UNC5B: variants seen among roughly 807,000 people sequenced by gnomAD.
UNC5B encodes unc-5 netrin receptor B, also known as netrin receptor UNC5B.
In UNC5B, 56 loss-of-function variants were observed where a neutral mutation model predicts 103.7. The ratio of observed to expected loss-of-function variants is 0.54; its 90% CI spans 0.44 to 0.67. UNC5B has a LOEUF of 0.67. Ranked by LOEUF, UNC5B falls within the 30% of genes least tolerant of loss-of-function variation. UNC5B has a pLI of 0.00. For missense variants in UNC5B, 1,194 were observed against 1,284.5 expected (o/e 0.93, Z 1.08); for synonymous variants, 577 against 542.0 (o/e 1.06, Z -0.90).
chr10:71,247,588 C>T (rs1415194996), intron 1 of UNC5B, among the ~76,000 whole-genome samples: 1 of 152,212 alleles, frequency 6.6e-6, no homozygotes, highest in Non-Finnish European at 1.5e-5. Flanking sequence ...TTTAACCTGG[C>T]ACCCTGGCCC....
At chr10:71,265,454 C>A (rs1025386793) in intron 1 of UNC5B, among the ~76,000 whole-genome samples, 3 of 152,196 alleles carry the variant, frequency 2.0e-5, no homozygotes, top group African/African-American at 7.2e-5. Flanking sequence ...CTTCCCTGAG[C>A]TTATGATGCC....
At chr10:71,218,315 A>G (rs1206392266) in intron 1 of UNC5B, 1 of 152,318 alleles carries the variant, frequency 6.6e-6, no homozygotes, top group African/African-American at 2.4e-5. Context: ...ACATGGGCAC[A>G]CTTGTGGTGT....
intron 1 of UNC5B, among the ~76,000 whole-genome samples, chr10:71,257,923 G>A (rs1478488042): frequency 6.6e-6 from 1 of 152,248 alleles, no homozygotes; most frequent in Non-Finnish European, 1.5e-5. Context: ...TGATATATGT[G>A]AGCTCCTGGA....
chr10:71,295,674 TA>T (rs1845388612), intron 13 of UNC5B, 136 bp from the exon 14 acceptor site: 2 of 985,136 alleles, frequency 2.0e-6, no homozygotes, highest in Admixed American at 2.3e-5. Flanking sequence ...TCTCACACCA[TA>T]AGCCCTCTGT....
At chr10:71,232,456 A>C (rs1255608668) in intron 1 of UNC5B, among the ~76,000 whole-genome samples, 1 of 152,226 alleles carries the variant, frequency 6.6e-6, no homozygotes, top group Non-Finnish European at 1.5e-5. Context: ...CTGGTGGCCC[A>C]GCCCCGGCCC....
rs199812590 is a variant in UNC5B at position 71,286,787 on chromosome 10, G to T, written c.651G>T (p.Leu217=). 12 of 1,614,200 alleles carry T rather than the reference G, an allele frequency of 7.4e-6. No individual in the cohort carries two copies. In the African/African-American group the frequency reaches 1.2e-4, roughly 16 times the overall value. The change falls in exon 5 of 17, where the codon CTG becomes CTT. Residue 217 remains leucine, a synonymous_variant. Transcript: ENST00000335350. ...ACCTCATCATCCGCCAGGCCCGCCTGTCGGACACTGCCAACTATACCTGCG... is the reference window on the plus strand; with the variant it reads ...ACCTCATCATCCGCCAGGCCCGCCTTTCGGACACTGCCAACTATACCTGCG... ...DHNLIIRQAR[L]SDTANYTCVA... is the part of the protein sequence containing the mutation.
intron 1 of UNC5B, among the ~76,000 whole-genome samples, chr10:71,270,687 C>T (rs530939871): frequency 6.6e-6 from 1 of 152,226 alleles, no homozygotes; most frequent in South Asian, 2.1e-4. Context: ...CACCAGGTCC[C>T]TCCAGCAGCA....
At chr10:71,257,456 A>T (rs895608762) in intron 1 of UNC5B, among the ~76,000 whole-genome samples, 3 of 152,216 alleles carry the variant, frequency 2.0e-5, no homozygotes, top group African/African-American at 7.2e-5. Flanking sequence ...CAGGCGAGTC[A>T]CATAGGTTGC....
Position 71,213,410 on chromosome 10 carries a change from G to GA in UNC5B, c.79+351dup, listed in dbSNP as rs1329325016. Among the ~76,000 whole-genome samples the GA allele has an allele frequency of 9.2e-5, 14 of 152,258 alleles. 2 individuals carry two copies. Among genetic ancestry groups the GA allele is most frequent in the African/African-American group, 3.4e-4 (14 of 41,558 alleles). Reference sequence around the variant, plus strand: ...TCTCCGCGCGCCTGGCATCCGCCCCGAAAAAGAACATTGGCTACATAAGCA... The same window carrying GA: ...TCTCCGCGCGCCTGGCATCCGCCCCGAAAAAAGAACATTGGCTACATAAGCA... On this transcript the variant is annotated intron_variant, in intron 1 of 16. Coordinates refer to ENST00000335350, the MANE Select transcript of UNC5B (RefSeq NM_170744.5). The surrounding 1 kb of genome is among the most constrained non-coding windows in gnomAD (Gnocchi z 4.1).
intron 1 of UNC5B, among the ~76,000 whole-genome samples, chr10:71,240,878 G>A (rs964254972): frequency 2.6e-5 from 4 of 152,250 alleles, no homozygotes; most frequent in Non-Finnish European, 5.9e-5. Flanking sequence ...CAAGGGCCAA[G>A]AAGAAGACTT....
At chr10:71,239,488 C>T (rs151174740) in intron 1 of UNC5B, among the ~76,000 whole-genome samples, 1 of 152,250 alleles carries the variant, frequency 6.6e-6, no homozygotes, top group Non-Finnish European at 1.5e-5. Context: ...ACTGGCTGAT[C>T]ACTTAACCTC....
intron 10 of UNC5B, among the ~76,000 whole-genome samples, chr10:71,292,179 A>G (rs920814827): frequency 1.3e-5 from 2 of 152,152 alleles, no homozygotes; most frequent in African/African-American, 2.4e-5. Flanking sequence ...AAAGCCAGCA[A>G]TTAACAGCTT....
chr10:71,282,576 G>A (rs1431337818), intron 2 of UNC5B, among the ~76,000 whole-genome samples: 2 of 152,192 alleles, frequency 1.3e-5, no homozygotes, highest in Admixed American at 1.3e-4. Context: ...GCAAGGGGCA[G>A]GGGCTGTGCT....
In UNC5B at chr10:71,280,021, C is replaced by T; in HGVS notation, c.280C>T (p.Gln94Ter). 4 of 1,614,012 alleles carry T rather than the reference C, an allele frequency of 2.5e-6. No individual in the cohort carries two copies. Among genetic ancestry groups the T allele is most frequent in the Non-Finnish European group, 3.4e-6 (4 of 1,180,028 alleles). ...EWVSQNDHVT[Q>*]EGLDEATGLR... is the part of the protein sequence containing the mutation. ...GGTCAGCCAGAACGACCACGTCACACAGGAAGGCCTGGATGAGGCCACCGG... is the reference window on the plus strand; with the variant it reads ...GGTCAGCCAGAACGACCACGTCACATAGGAAGGCCTGGATGAGGCCACCGG... Residue 94 changes from glutamine (Q) to a stop codon, truncating the protein, a stop_gained, in exon 2 of 17, where the codon CAG becomes TAG. Coordinates refer to ENST00000335350, the MANE Select transcript of UNC5B (RefSeq NM_170744.5). LOFTEE classifies it high-confidence loss of function.
chr10:71,291,120 G>A lies in UNC5B; in HGVS notation c.1294+11G>A, dbSNP rs79688116. ...AGACGGCAAGGCCCAGTAAGAACCCGAGGATGTCTGGGGTGGTTGGCAGAG... is the reference window on the plus strand; with the variant it reads ...AGACGGCAAGGCCCAGTAAGAACCCAAGGATGTCTGGGGTGGTTGGCAGAG... On this transcript the variant is annotated intron_variant, in intron 9 of 16. Coordinates refer to ENST00000335350, the MANE Select transcript of UNC5B (RefSeq NM_170744.5). 9.7e-3 allele frequency: 15,664 copies of A among 1,608,718 alleles called. 97 individuals carry two copies. Among genetic ancestry groups the A allele is most frequent in the African/African-American group, 0.021 (1,551 of 74,970 alleles).
intron 1 of UNC5B, among the ~76,000 whole-genome samples, chr10:71,277,280 G>A (rs1352247936): frequency 1.3e-5 from 2 of 152,246 alleles, no homozygotes; most frequent in African/African-American, 4.8e-5. Context: ...CTTCTCCTGT[G>A]GCCATGACCT....
rs1845104957 is a variant in UNC5B, at chr10:71,286,942, C to T, written c.733+73C>T. 3.8e-6 allele frequency: 6 copies of T among 1,559,710 alleles called. No individual in the cohort carries two copies. The South Asian group carries it at 4.8e-5, about 12-fold the overall frequency. On this transcript the variant is annotated intron_variant, in intron 5 of 16. Coordinates refer to ENST00000335350, the MANE Select transcript of UNC5B (RefSeq NM_170744.5). Reference sequence around the variant, plus strand: ...GGAGAGAGCCTGGGGGTAGGGGGGACCCCTGGATTGGTAGGGAGGATGCAG... The same window carrying T: ...GGAGAGAGCCTGGGGGTAGGGGGGATCCCTGGATTGGTAGGGAGGATGCAG...
chr10:71,291,381 G>A, intron 9 of UNC5B, 51 bp from the exon 10 acceptor site: 1 of 1,537,376 alleles, frequency 6.5e-7, no homozygotes, highest in Non-Finnish European at 8.8e-7. Flanking sequence ...TGGGAGCTGG[G>A]CCAGTGAGCT....
Position 71,293,410 on chromosome 10 carries a change from T to A in UNC5B, c.1778T>A (p.Leu593His), listed in dbSNP as rs758249536. The change falls in exon 12 of 17, where the codon CTT becomes CAT. Residue 593 changes from leucine to histidine, a missense_variant. By Grantham distance (99) the Leu-to-His change is moderately conservative. Coordinates refer to ENST00000335350, the MANE Select transcript of UNC5B (RefSeq NM_170744.5). The part of the protein sequence containing the change: ...LINKAESTLP[L>H]SEGTQTVLSP... ...TACCCTGTGTCCTCCTCCAGCCCGC[T>A]TTCAGAAGGGACCCAGACAGTATTG... The A allele has an allele frequency of 1.2e-6, 2 of 1,612,412 alleles. No individual in the cohort carries two copies. The highest frequency in any genetic ancestry group is 1.7e-5 in the Admixed American group (1 of 59,884).
Sources: gnomAD v4.1 joint callset for allele counts (sites outside exome capture counted in the v4.1 genomes callset) on GRCh38, gnomAD v4.1.1 for gene constraint, Gnocchi (gnomAD v3.1) non-coding constraint, MANE v1.5 for transcripts, NCBI Gene and HGNC (gene_info 2026-07-23, HGNC 2026-07-21) for gene names.